Variants in CEP112 observed in about 807,000 individuals in gnomAD.
The protein encoded by CEP112 is centrosomal protein 112.
CEP112 carries 127 observed loss-of-function variants against 153.0 expected under a neutral mutation model. The observed-to-expected ratio is 0.83, with a 90% CI of 0.72 to 0.96. The LOEUF is 0.96. Among genes scored for constraint, CEP112 ranks in the 40% least tolerant of loss-of-function variants. The pLI is 0.00. For missense variants in CEP112, 1,089 were observed against 1,101.2 expected, an observed-to-expected ratio of 0.99 and a Z score of 0.16; for synonymous variants, 358 against 374.4, an observed-to-expected ratio of 0.96 and a Z score of 0.51.
At position 65,743,108 on chromosome 17, in the gene CEP112, T is replaced by G. The variant is rs753598244; in HGVS notation, c.2567A>C (p.Glu856Ala). 6.2e-7 allele frequency: 1 copy of G among 1,612,156 alleles called. No homozygotes were observed. The highest frequency in any genetic ancestry group is 8.5e-7 in the Non-Finnish European group (1 of 1,179,410). The change falls in exon 23 of 27, where the codon GAG (glutamate) becomes GCG (alanine). Residue 856 changes from glutamate to alanine, a missense_variant. Glu to Ala is a moderately radical substitution (Grantham distance 107). Transcript: ENST00000535342. ...LQDVRQKFED[E>A]KKQLIRDNDQ... ...ATTATCTCTAATCAGCTGCTTCTTC[T>G]CATCTTCAAACTTTTGTCTAACATC...
At chr17:66,087,774 T>C (rs934341875) in intron 8 of CEP112, among the ~76,000 whole-genome samples, 1 of 152,110 alleles carries the variant, frequency 6.6e-6, no homozygotes, top group African/African-American at 2.4e-5. Flanking sequence ...TTTAAAATAC[T>C]CACATCACCC....
At chr17:66,137,982 G>T (rs1461399883) in intron 4 of CEP112, among the ~76,000 whole-genome samples, 1 of 152,072 alleles carries the variant, frequency 6.6e-6, no homozygotes, top group Non-Finnish European at 1.5e-5. Flanking sequence ...AAAGATGAAA[G>T]TCTTAAAAAT....
chr17:66,034,969 T>TG lies in CEP112; in HGVS notation c.1219-4947_1219-4946insC, dbSNP rs1249025362. Among the ~76,000 whole-genome samples, 98 of 18,694 alleles carry TG rather than the reference T, an allele frequency of 5.2e-3. 3 individuals carry two copies. The East Asian group carries it at 0.094, about 18-fold the overall frequency. 12.3% of individuals were successfully genotyped at this position (18,694 alleles called of 152,430 possible). A position where few individuals can be genotyped will look rare whatever the true frequency, so the allele number is the denominator to read the frequency against. ...ATGTGCCACCATGCCCAGCTAAGTT[T>TG]TTGCATGTATATATATATATATACA... On this transcript the variant is annotated intron_variant, in intron 12 of 26. Coordinates refer to ENST00000535342, the MANE Select transcript of CEP112 (RefSeq NM_001199165.4).
At chr17:66,087,397 ATAGT>A (rs1285530036) in intron 8 of CEP112, among the ~76,000 whole-genome samples, 1 of 152,202 alleles carries the variant, frequency 6.6e-6, no homozygotes, top group African/African-American at 2.4e-5. Flanking sequence ...AAAAGAAAAA[ATAGT>A]TGGGAATGAC....
chr17:65,865,462 A>G (rs1034759049), intron 20 of CEP112, among the ~76,000 whole-genome samples: 1 of 152,212 alleles, frequency 6.6e-6, no homozygotes, highest in African/African-American at 2.4e-5. Context: ...TGCTAGATAT[A>G]TATCTATAAT....
At chr17:65,826,444 G>A in intron 21 of CEP112, 1 of 1,534,680 alleles carries the variant, frequency 6.5e-7, no homozygotes, top group East Asian at 2.3e-5. Context: ...CAGAGGGTTA[G>A]AGTGTCTGAG....
intron 21 of CEP112, among the ~76,000 whole-genome samples, chr17:65,807,134 T>C (rs923627304): frequency 6.6e-6 from 1 of 152,218 alleles, no homozygotes; most frequent in Non-Finnish European, 1.5e-5. Flanking sequence ...AAAGTCATTC[T>C]TGCTATGCTT....
At chr17:65,742,060 G>T (rs1246669418) in intron 23 of CEP112, among the ~76,000 whole-genome samples, 1 of 151,290 alleles carries the variant, frequency 6.6e-6, no homozygotes. Context: ...GGCCTTGAAG[G>T]TTTTATCCAT....
In CEP112 at chr17:65,821,514, T is replaced by TTATATA. The variant is rs570389723; in HGVS notation, c.2394+30284_2394+30289dup. On this transcript the variant is annotated intron_variant, in intron 21 of 26. Coordinates refer to ENST00000535342, the MANE Select transcript of CEP112 (RefSeq NM_001199165.4). ...TATATAATTATATATATATATATAA[T>TTATATA]TATATATATATATATATATATATAT... is the stretch of plus-strand genomic sequence containing the variant. 6.0e-3 allele frequency among the ~76,000 whole-genome samples: 300 copies of TTATATA among 50,166 alleles called. 1 individual carries two copies. Among genetic ancestry groups the TTATATA allele is most frequent in the Non-Finnish European group, 7.6e-3 (222 of 29,254 alleles). The allele number at this position is 50,166 out of a possible 152,430, so 32.9% of individuals were successfully genotyped here.
intron 4 of CEP112, among the ~76,000 whole-genome samples, chr17:66,139,056 C>T (rs974588892): frequency 1.3e-5 from 2 of 151,820 alleles, no homozygotes; most frequent in African/African-American, 4.8e-5. Flanking sequence ...CCTAGATGCA[C>T]ACCTTAAGGA....
At chr17:66,113,126 C>T (rs1188114468) in intron 6 of CEP112, among the ~76,000 whole-genome samples, 4 of 152,014 alleles carry the variant, frequency 2.6e-5, no homozygotes, top group Non-Finnish European at 2.9e-5. Context: ...GCCATATACA[C>T]ACTGCAACTT....
intron 24 of CEP112, among the ~76,000 whole-genome samples, chr17:65,671,792 G>A (rs988012704): frequency 6.6e-6 from 1 of 152,090 alleles, no homozygotes; most frequent in African/African-American, 2.4e-5. Context: ...TAGAATGAAG[G>A]TGATGTGTCT....
At chr17:65,673,464 T>G (rs9904310) in intron 24 of CEP112, among the ~76,000 whole-genome samples, 79,416 of 151,924 alleles carry the variant, frequency 0.52, 21,831 homozygotes, top group African/African-American at 0.69. Context: ...TAAGGTTACT[T>G]ATTAGTAACC....
chr17:65,976,112 G>C (rs900447094), intron 17 of CEP112, among the ~76,000 whole-genome samples: 2 of 152,230 alleles, frequency 1.3e-5, no homozygotes, highest in African/African-American at 4.8e-5. Flanking sequence ...TGTGAACACA[G>C]TGTTCAGCCC....
At chr17:66,076,249 AGGC>A (rs149307573) in intron 8 of CEP112, among the ~76,000 whole-genome samples, 150,994 of 151,526 alleles carry the variant, frequency 1, 75,232 homozygotes, top group South Asian at 1. Flanking sequence ...CAGACTCCAC[AGGC>A]GGCGGGGTAA....
At position 66,053,756 on chromosome 17, in the gene CEP112, T is replaced by A. The variant is rs200001769; in HGVS notation, c.1198A>T (p.Met400Leu). 5.6e-6 allele frequency: 9 copies of A among 1,613,098 alleles called. No homozygotes were observed. The highest frequency in any genetic ancestry group is 7.6e-6 in the Non-Finnish European group (9 of 1,179,472). Residue 400 changes from methionine (M) to leucine (L), a missense_variant, in exon 12 of 27, where the codon ATG becomes TTG. Met to Leu is a conservative substitution (Grantham distance 15). Coordinates refer to ENST00000535342, the MANE Select transcript of CEP112 (RefSeq NM_001199165.4). The stretch of plus-strand genomic sequence containing the variant: ...CTCACTGTGGACTGTGTTTGCGCCA[T>A]GTATTCACTCTCCATTTTATTCAGA... ...VRLNKMESEY[M>L]AQTQSTNHMI...
chr17:65,726,392 T>TCA (rs1463764319), intron 23 of CEP112, among the ~76,000 whole-genome samples: 1 of 152,006 alleles, frequency 6.6e-6, no homozygotes, highest in Admixed American at 6.6e-5. Context: ...AAGTGTAAGG[T>TCA]TCTTGAGGAC....
chr17:66,022,711 G>GGAAAAAAAAAAAA lies in CEP112; in HGVS notation c.1656+4789_1656+4790insTTTTTTTTTTTTC, dbSNP rs60618756. Among the ~76,000 whole-genome samples the GGAAAAAAAAAAAA allele has an allele frequency of 1.6e-5, 2 of 127,070 alleles. 1 individual carries two copies. The allele number at this position is 127,070 out of a possible 152,430, so 83.4% of individuals were successfully genotyped here. On this transcript the variant is annotated intron_variant, in intron 16 of 26. Transcript: ENST00000535342. Reference sequence around the variant, plus strand: ...ATGACAGAACGAGACTCCGCCTCAAGAAAAAAAAAAAAAAAAAGAAATGCC... The same window carrying GGAAAAAAAAAAAA: ...ATGACAGAACGAGACTCCGCCTCAAGGAAAAAAAAAAAAAAAAAAAAAAAAAAAAAGAAATGCC...
At chr17:66,017,460 T>C (rs1324988354) in intron 16 of CEP112, among the ~76,000 whole-genome samples, 1 of 152,248 alleles carries the variant, frequency 6.6e-6, no homozygotes, top group African/African-American at 2.4e-5. Context: ...CTCATTTTTA[T>C]ATCCCTAGGA....
Sources: allele counts gnomAD v4.1 joint callset (sites outside exome capture counted in the v4.1 genomes callset), GRCh38; gene constraint gnomAD v4.1.1; transcripts MANE v1.5; gene names NCBI Gene and HGNC (gene_info 2026-07-23, HGNC 2026-07-21).